The following PID1 variants were observed in gnomAD, a reference collection of about 807,000 sequenced individuals.
The protein encoded by PID1 is phosphotyrosine interaction domain containing 1, also known as PTB-containing, cubilin and LRP1-interacting protein.
PID1 carries 10 observed loss-of-function variants against 19.1 expected under a neutral mutation model. That is an observed-to-expected ratio of 0.52 (90% CI 0.32 to 0.89). The LOEUF is 0.89. PID1 is among the 40% of genes least tolerant of loss of function. The pLI, the probability that PID1 is intolerant of heterozygous loss-of-function variation, is 0.03. For missense variants in PID1, 248 were observed against 285.3 expected, an observed-to-expected ratio of 0.87 and a Z score of 0.94; for synonymous variants, 130 against 116.0, an observed-to-expected ratio of 1.12 and a Z score of -0.78.
intron 1 of PID1, among the ~76,000 whole-genome samples, chr2:229,260,026 T>C (rs1690414652): frequency 1.3e-5 from 2 of 152,280 alleles, no homozygotes; most frequent in East Asian, 3.9e-4. Context: ...GTCTAAGGAA[T>C]TTGTTACAGC....
At chr2:229,143,041 T>TCA (rs1306120731) in intron 2 of PID1, among the ~76,000 whole-genome samples, 49 of 148,002 alleles carry the variant, frequency 3.3e-4, no homozygotes, top group African/African-American at 1.2e-3. Flanking sequence ...TTCATGTCCT[T>TCA]TGTAGGGACA....
chr2:229,031,394 G>A (rs1013566072), intron 2 of PID1, among the ~76,000 whole-genome samples: 2 of 150,752 alleles, frequency 1.3e-5, no homozygotes, highest in African/African-American at 2.4e-5. Flanking sequence ...CCATCTCTAC[G>A]AAAAATACAA....
At chr2:229,063,195 C>T (rs1216851388) in intron 2 of PID1, among the ~76,000 whole-genome samples, 1 of 151,888 alleles carries the variant, frequency 6.6e-6, no homozygotes, top group Non-Finnish European at 1.5e-5. Context: ...TTTTCTAGTT[C>T]CCTGAAGTAT....
Position 229,026,098 on chromosome 2 carries a change from A to G in PID1, c.188T>C (p.Leu63Pro). Reference sequence around the variant, plus strand: ...CATGCCAGTGGTGGAGACTTTGCCCAGGTAGGTAACCTGCAGATGCAAGAG... The same window carrying G: ...CATGCCAGTGGTGGAGACTTTGCCCGGGTAGGTAACCTGCAGATGCAAGAG... ...RTHSGCKVTY[L>P]GKVSTTGMQF... Residue 63 changes from leucine (L) to proline (P), a missense_variant, in exon 3 of 3, where the codon CTG becomes CCG. Physicochemically the swap from Leu to Pro is moderately conservative, Grantham distance 98. Coordinates refer to ENST00000392055, the MANE Select transcript of PID1 (RefSeq NM_001100818.2). 6.2e-7 allele frequency: 1 copy of G among 1,613,174 alleles called. No homozygotes were observed. Among genetic ancestry groups the G allele is most frequent in the Non-Finnish European group, 8.5e-7 (1 of 1,179,198 alleles).
At chr2:229,213,620 C>T (rs1229682053) in intron 1 of PID1, among the ~76,000 whole-genome samples, 1 of 152,162 alleles carries the variant, frequency 6.6e-6, no homozygotes, top group East Asian at 1.9e-4. Flanking sequence ...CCAAAACAGT[C>T]CATTTTATGA....
intron 1 of PID1, among the ~76,000 whole-genome samples, chr2:229,182,961 G>C (rs562207211): frequency 6.6e-6 from 1 of 152,282 alleles, no homozygotes; most frequent in East Asian, 1.9e-4. Flanking sequence ...TCTCAGCTGA[G>C]GGCTTTGCTT....
chr2:229,178,893 C>T lies in PID1; in HGVS notation c.31-22929G>A, dbSNP rs115088448. 1.9e-3 allele frequency among the ~76,000 whole-genome samples: 296 copies of T among 152,048 alleles called. 1 individual carries two copies. The highest frequency in any genetic ancestry group is 6.7e-3 in the African/African-American group (278 of 41,466). On this transcript the variant is annotated intron_variant, in intron 1 of 2. Coordinates refer to ENST00000392055, the MANE Select transcript of PID1 (RefSeq NM_001100818.2). ...GGGCACAAGTCAAGAGAAGGAAGGA[C>T]GGAGGACACATGGAGACCATGTGAA...
chr2:229,117,528 G>A (rs888273049), intron 2 of PID1, among the ~76,000 whole-genome samples: 4 of 152,132 alleles, frequency 2.6e-5, no homozygotes, highest in African/African-American at 4.8e-5. Context: ...TAGCCAGGCC[G>A]ATAATGCTCC....
At chr2:229,137,218 TAC>T (rs1431859376) in intron 2 of PID1, among the ~76,000 whole-genome samples, 2 of 152,192 alleles carry the variant, frequency 1.3e-5, no homozygotes, top group Non-Finnish European at 2.9e-5. Flanking sequence ...CTCTGCTTAA[TAC>T]ATTTGAGAGG....
chr2:229,203,796 C>T (rs1691548853), intron 1 of PID1, among the ~76,000 whole-genome samples: 4 of 152,054 alleles, frequency 2.6e-5, no homozygotes, highest in Admixed American at 2.6e-4. Context: ...GCACATCTTC[C>T]CTTCTCCAAG....
chr2:229,113,221 T>A (rs914514449), intron 2 of PID1, among the ~76,000 whole-genome samples: 1 of 152,046 alleles, frequency 6.6e-6, no homozygotes, highest in East Asian at 1.9e-4. Context: ...ATCCACTATA[T>A]GAATTTGTTG....
chr2:229,149,220 G>A (rs1690197859), intron 2 of PID1, among the ~76,000 whole-genome samples: 1 of 151,720 alleles, frequency 6.6e-6, no homozygotes, highest in Admixed American at 6.6e-5. Flanking sequence ...TGATGAGGGT[G>A]GTCACATAAT....
chr2:229,129,823 G>C (rs1689689425), intron 2 of PID1, among the ~76,000 whole-genome samples: 1 of 152,116 alleles, frequency 6.6e-6, no homozygotes, highest in African/African-American at 2.4e-5. Context: ...AAGGGAGGTG[G>C]CTCCTCCGGA....
intron 1 of PID1, among the ~76,000 whole-genome samples, chr2:229,252,909 G>C (rs1026138398): frequency 6.6e-6 from 1 of 152,166 alleles, no homozygotes; most frequent in African/African-American, 2.4e-5. Flanking sequence ...AGGGGGTAGG[G>C]GGTGCCAAGC....
intron 1 of PID1, among the ~76,000 whole-genome samples, chr2:229,218,145 C>T (rs1443929283): frequency 6.6e-6 from 1 of 151,874 alleles, no homozygotes; most frequent in African/African-American, 2.4e-5. Flanking sequence ...TTCAATGAAC[C>T]AAAGAGGGCC....
chr2:229,046,347 AGTGTGTGTGTGTGT>A (rs35091766), intron 2 of PID1, among the ~76,000 whole-genome samples: 1 of 141,284 alleles, frequency 7.1e-6, no homozygotes, highest in African/African-American at 2.7e-5. Context: ...AAATTAGGAA[AGTGTGTGTGTGTGT>A]GTGTGTGTGT....
At chr2:229,269,459 C>T (rs1223521381) in intron 1 of PID1, among the ~76,000 whole-genome samples, 1 of 152,206 alleles carries the variant, frequency 6.6e-6, no homozygotes, top group Non-Finnish European at 1.5e-5. Context: ...CAAAAATCTA[C>T]AAACTCTTCA....
At chr2:229,181,786 A>C (rs1368928316) in intron 1 of PID1, among the ~76,000 whole-genome samples, 1 of 152,258 alleles carries the variant, frequency 6.6e-6, no homozygotes, top group African/African-American at 2.4e-5. Flanking sequence ...AGTGATGAAG[A>C]CTTAAGAAAG....
chr2:229,142,745 G>A (rs1397716956), intron 2 of PID1, among the ~76,000 whole-genome samples: 1 of 152,186 alleles, frequency 6.6e-6, no homozygotes, highest in Non-Finnish European at 1.5e-5. Context: ...TACACTGTTG[G>A]TGGGACTGTA....
Sources: gnomAD v4.1 joint callset for allele counts (sites outside exome capture counted in the v4.1 genomes callset) on GRCh38, gnomAD v4.1.1 for gene constraint, MANE v1.5 for transcripts, NCBI Gene and HGNC (gene_info 2026-07-23, HGNC 2026-07-21) for gene names.